RYR2: variants seen among roughly 807,000 people sequenced by gnomAD.
The protein encoded by RYR2 is cardiac muscle ryanodine receptor-calcium release channel.
RYR2 carries 227 observed loss-of-function variants against 601.1 expected under a neutral mutation model. The ratio of observed to expected loss-of-function variants is 0.38; its 90% CI spans 0.34 to 0.42. The LOEUF is 0.42. Among genes scored for constraint, RYR2 ranks in the 10% least tolerant of loss-of-function variants. The pLI, the probability that RYR2 is intolerant of heterozygous loss-of-function variation, is 1.00. For synonymous variants in RYR2, 2,223 were observed against 2,175.1 expected (o/e 1.02, Z -0.61); for missense variants, 4,646 against 6,156.5 (o/e 0.75, Z 8.21).
chr1:237,723,166 C>G lies in RYR2; in HGVS notation c.10593C>G (p.Tyr3531Ter). The change falls in exon 74 of 105, where the codon TAC becomes TAG. Residue 3531 changes from tyrosine to a stop codon, truncating the protein, a stop_gained. Coordinates refer to ENST00000366574, the MANE Select transcript of RYR2 (RefSeq NM_001035.3). LOFTEE classifies it high-confidence loss of function. ...CTATTAGATGGCAAATGGCTCTTTACAAAGACTTACCAAACAGGACTGATG... is the reference window on the plus strand; with the variant it reads ...CTATTAGATGGCAAATGGCTCTTTAGAAAGACTTACCAAACAGGACTGATG... ...DPAIRWQMAL[Y>*]KDLPNRTDDT... 1 of 1,612,146 alleles carries G rather than the reference C, an allele frequency of 6.2e-7. No individual in the cohort carries two copies. The highest frequency in any genetic ancestry group is 8.5e-7 in the Non-Finnish European group (1 of 1,178,774).
At chr1:237,284,380 CAAA>C (rs112378780) in intron 2 of RYR2, among the ~76,000 whole-genome samples, 8 of 127,142 alleles carry the variant, frequency 6.3e-5, no homozygotes, top group East Asian at 2.2e-4. Context: ...GACTCCATCT[CAAA>C]AAAAAAAAAA....
At chr1:237,197,841 A>C (rs1680734053) in intron 1 of RYR2, among the ~76,000 whole-genome samples, 2 of 152,230 alleles carry the variant, frequency 1.3e-5, no homozygotes, top group African/African-American at 4.8e-5. Flanking sequence ...TGGGCAGAAC[A>C]TAGGAATTCA....
chr1:237,215,249 C>T (rs190522201), intron 1 of RYR2, among the ~76,000 whole-genome samples: 9 of 152,192 alleles, frequency 5.9e-5, no homozygotes, highest in Admixed American at 5.9e-4. Flanking sequence ...ACAGTAGTCC[C>T]GTCCTTTATT....
chr1:237,370,356 AT>A (rs1181233647), intron 6 of RYR2, among the ~76,000 whole-genome samples: 6 of 152,028 alleles, frequency 3.9e-5, no homozygotes, highest in Non-Finnish European at 8.8e-5. Context: ...GTCAACACAT[AT>A]TTTTTGTATG....
intron 20 of RYR2, among the ~76,000 whole-genome samples, chr1:237,497,756 C>T (rs1351664228): frequency 6.6e-6 from 1 of 152,158 alleles, no homozygotes; most frequent in Non-Finnish European, 1.5e-5. Context: ...AAAAGCATTC[C>T]ATGTAGTTGT....
At chr1:237,098,764 C>G (rs141849494) in intron 1 of RYR2, among the ~76,000 whole-genome samples, 14 of 151,972 alleles carry the variant, frequency 9.2e-5, no homozygotes, top group Non-Finnish European at 2.9e-5. Flanking sequence ...TTTCCAGGAA[C>G]GTGGTGGAAA....
At chr1:237,732,187 C>A (rs1690750280) in intron 78 of RYR2, 38 bp downstream of exon 78, 10 of 1,194,792 alleles carry the variant, frequency 8.4e-6, no homozygotes, top group Non-Finnish European at 1.1e-5. Flanking sequence ...ATAGGAGGAG[C>A]AAATAAAGAC....
In RYR2 at chr1:237,783,847, G is replaced by C; in HGVS notation, c.12135G>C (p.Lys4045Asn). The C allele has an allele frequency of 6.2e-7, 1 of 1,613,894 alleles. No individual in the cohort carries two copies. Among genetic ancestry groups the C allele is most frequent in the Non-Finnish European group, 8.5e-7 (1 of 1,179,856 alleles). The stretch of plus-strand genomic sequence containing the variant: ...CCGATGGCAAGGGAGTCATTTCCAA[G>C]AGGGACTTCCACAAAGCGATGGAGA... ...YDPDGKGVISKRDFHKAMESH... is the reference protein window; with the variant it reads ...YDPDGKGVISNRDFHKAMESH... The change falls in exon 90 of 105, where the codon AAG becomes AAC. Residue 4045 changes from lysine to asparagine, a missense_variant. By Grantham distance (94) the Lys-to-Asn change is moderately conservative (BLOSUM62 0). Around this residue, in one of 17 missense-constraint regions of RYR2, gnomAD observed 66 missense variants for 80.7 expected, o/e 0.82. Coordinates refer to ENST00000366574, the MANE Select transcript of RYR2 (RefSeq NM_001035.3).
At chr1:237,275,945 T>C (rs1047317563) in intron 2 of RYR2, among the ~76,000 whole-genome samples, 1 of 152,278 alleles carries the variant, frequency 6.6e-6, no homozygotes, top group African/African-American at 2.4e-5. Context: ...AATTAAAATG[T>C]ACACTATTAA....
intron 73 of RYR2, among the ~76,000 whole-genome samples, chr1:237,722,024 G>A (rs16835662): frequency 0.021 from 3,224 of 152,108 alleles, 121 homozygotes; most frequent in African/African-American, 0.072. Flanking sequence ...TGATGAGTGT[G>A]ATTTTAAAAA....
chr1:237,720,269 A>C (rs1188023499), intron 73 of RYR2, among the ~76,000 whole-genome samples: 2 of 152,238 alleles, frequency 1.3e-5, no homozygotes, highest in African/African-American at 4.8e-5. Context: ...AAGTAGCAAC[A>C]ACAATATAAT....
intron 34 of RYR2, among the ~76,000 whole-genome samples, chr1:237,597,033 G>A (rs373001223): frequency 6.6e-6 from 1 of 152,154 alleles, no homozygotes; most frequent in African/African-American, 2.4e-5. Flanking sequence ...CAAAAGGATG[G>A]TAATTACTAT....
intron 62 of RYR2, among the ~76,000 whole-genome samples, chr1:237,682,355 T>A (rs1360174031): frequency 6.6e-6 from 1 of 152,154 alleles, no homozygotes; most frequent in Non-Finnish European, 1.5e-5. Flanking sequence ...AGACTAACCC[T>A]AGACCACCCC....
chr1:237,173,881 C>T (rs971277276), intron 1 of RYR2, among the ~76,000 whole-genome samples: 16 of 152,010 alleles, frequency 1.1e-4, no homozygotes, highest in African/African-American at 3.6e-4. Context: ...ATGGTGAAGC[C>T]CCGTCTCTAC....
At position 237,573,241 on chromosome 1, in the gene RYR2, C is replaced by T. The variant is rs979943555; in HGVS notation, c.3598+3922C>T. On this transcript the variant is annotated intron_variant, in intron 29 of 104. Transcript: ENST00000366574. ...ATGGAGATATACACATACACACACA[C>T]ACACACACACACACACGCATACATA... 3.3e-5 allele frequency among the ~76,000 whole-genome samples: 5 copies of T among 151,432 alleles called. No homozygotes were observed. In the East Asian group the frequency reaches 9.9e-4, roughly 30 times the overall value.
At chr1:237,186,813 C>T (rs1679392727) in intron 1 of RYR2, among the ~76,000 whole-genome samples, 1 of 152,218 alleles carries the variant, frequency 6.6e-6, no homozygotes, top group Non-Finnish European at 1.5e-5. Flanking sequence ...ATAGCTGAAG[C>T]CTGCAGTAAA....
intron 1 of RYR2, among the ~76,000 whole-genome samples, chr1:237,203,022 C>T (rs1435250708): frequency 1.3e-5 from 2 of 152,206 alleles, no homozygotes; most frequent in African/African-American, 4.8e-5. Flanking sequence ...GAGGCCCAGA[C>T]ATGCTGTGGC....
At chr1:237,147,916 G>A (rs373939850) in intron 1 of RYR2, among the ~76,000 whole-genome samples, 1 of 152,220 alleles carries the variant, frequency 6.6e-6, no homozygotes, top group East Asian at 1.9e-4. Context: ...TTATTAAACA[G>A]ACCTCCACTA....
At chr1:237,452,077 T>TTGTGTGTG (rs763042123) in intron 14 of RYR2, among the ~76,000 whole-genome samples, 1 of 74,452 alleles carries the variant, frequency 1.3e-5, no homozygotes, top group African/African-American at 3.3e-5. Context: ...ATATAAAATT[T>TTGTGTGTG]TGTGTGTGTG....
Sources: gnomAD v4.1 joint callset for allele counts (sites outside exome capture counted in the v4.1 genomes callset) on GRCh38, gnomAD v4.1.1 for gene constraint, gnomAD v4.1.1 regional missense constraint, MANE v1.5 for transcripts, NCBI Gene and HGNC (gene_info 2026-07-23, HGNC 2026-07-21) for gene names.